ALDH1A2: variants seen among roughly 807,000 people sequenced by gnomAD.
ALDH1A2 encodes the protein aldehyde dehydrogenase 1 family member A2.
ALDH1A2 carries 27 observed loss-of-function variants against 60.3 expected under a neutral mutation model. That is an observed-to-expected ratio of 0.45 (90% CI 0.33 to 0.62). The LOEUF (loss-of-function observed/expected upper bound fraction) is 0.62. Among genes scored for constraint, ALDH1A2 ranks in the 20% least tolerant of loss-of-function variants. The probability of loss-of-function intolerance (pLI) is 0.02; values close to 1 mark genes in which losing one functional copy is unlikely to be tolerated. For missense variants in ALDH1A2, 581 were observed against 643.8 expected (o/e 0.90, Z 1.06); for synonymous variants, 289 against 232.4 (o/e 1.24, Z -2.21).
At chr15:57,956,752 T>C (rs1893539879) in intron 12 of ALDH1A2, among the ~76,000 whole-genome samples, 2 of 152,206 alleles carry the variant, frequency 1.3e-5, no homozygotes, top group Admixed American at 1.3e-4. Context: ...TGTCTCTTCA[T>C]CACGGACACC....
chr15:58,040,585 C>A (rs1408747941), intron 1 of ALDH1A2, among the ~76,000 whole-genome samples: 1 of 151,894 alleles, frequency 6.6e-6, no homozygotes, highest in African/African-American at 2.4e-5. Flanking sequence ...GTTCACACCA[C>A]AAATAATTGA....
intron 5 of ALDH1A2, among the ~76,000 whole-genome samples, chr15:57,994,446 G>C (rs906441471): frequency 6.6e-6 from 1 of 152,144 alleles, no homozygotes; most frequent in Non-Finnish European, 1.5e-5. Flanking sequence ...CTATTAGCTA[G>C]TACTGTTAAA....
chr15:57,986,569 GCCAA>G (rs1894706946), intron 7 of ALDH1A2, among the ~76,000 whole-genome samples: 1 of 7,232 alleles, frequency 1.4e-4, no homozygotes, highest in Non-Finnish European at 2.7e-4. Flanking sequence ...TAACAGAAAA[GCCAA>G]AAAAAAAAAA....
At chr15:58,061,710 C>T (rs1200342261) in intron 1 of ALDH1A2, among the ~76,000 whole-genome samples, 1 of 150,078 alleles carries the variant, frequency 6.7e-6, no homozygotes, top group Admixed American at 6.7e-5. Context: ...TCTTTAAAGT[C>T]AAGGCCAATG....
intron 7 of ALDH1A2, among the ~76,000 whole-genome samples, chr15:57,969,358 A>G (rs1893990074): frequency 6.6e-6 from 1 of 152,228 alleles, no homozygotes; most frequent in African/African-American, 2.4e-5. Context: ...AGATCTGAAC[A>G]GATTAAATTA....
chr15:58,000,801 T>A (rs1384850954), intron 4 of ALDH1A2, among the ~76,000 whole-genome samples: 1 of 151,872 alleles, frequency 6.6e-6, no homozygotes, highest in Non-Finnish European at 1.5e-5. Flanking sequence ...AGTCTGCATT[T>A]CTACATGCTC....
chr15:58,021,343 AAAG>A (rs1895920445), intron 1 of ALDH1A2, among the ~76,000 whole-genome samples: 4 of 152,196 alleles, frequency 2.6e-5, no homozygotes, highest in Admixed American at 2.0e-4. Context: ...GGAATTCAAC[AAAG>A]AAGGGACAGG....
intron 4 of ALDH1A2, among the ~76,000 whole-genome samples, chr15:57,997,405 A>G (rs1327309872): frequency 6.6e-6 from 1 of 152,016 alleles, no homozygotes; most frequent in Non-Finnish European, 1.5e-5. Flanking sequence ...GGTTAAGGTG[A>G]TGGGTTCAGG....
intron 1 of ALDH1A2, among the ~76,000 whole-genome samples, chr15:58,021,551 G>T (rs1177902287): frequency 1.3e-5 from 2 of 152,186 alleles, no homozygotes; most frequent in Non-Finnish European, 2.9e-5. Context: ...AACTAACACA[G>T]GGAGCTGCCA....
chr15:57,986,275 G>C (rs1438954537), intron 7 of ALDH1A2, among the ~76,000 whole-genome samples: 1 of 152,098 alleles, frequency 6.6e-6, no homozygotes, highest in Non-Finnish European at 1.5e-5. Flanking sequence ...GGTATGAGGA[G>C]ACCAAAGCAG....
intron 4 of ALDH1A2, among the ~76,000 whole-genome samples, chr15:58,004,607 T>C (rs1191048526): frequency 6.6e-6 from 1 of 151,552 alleles, no homozygotes; most frequent in Admixed American, 6.6e-5. Context: ...ATTTCACTTA[T>C]TTCAGTATAA....
At chr15:57,989,920 AG>A (rs1894837765) in intron 7 of ALDH1A2, among the ~76,000 whole-genome samples, 1 of 52,262 alleles carries the variant, frequency 1.9e-5, no homozygotes, top group Non-Finnish European at 5.6e-5. Flanking sequence ...CAAAAATGAC[AG>A]GACGGAGCTT....
intron 1 of ALDH1A2, among the ~76,000 whole-genome samples, chr15:58,032,694 A>C (rs1896272284): frequency 6.6e-6 from 1 of 152,008 alleles, no homozygotes; most frequent in Non-Finnish European, 1.5e-5. Context: ...TCCAAAGCAA[A>C]AGAAATCAAT....
At chr15:58,011,873 C>T (rs1048602635) in intron 3 of ALDH1A2, among the ~76,000 whole-genome samples, 5 of 152,104 alleles carry the variant, frequency 3.3e-5, no homozygotes, top group African/African-American at 1.2e-4. Context: ...AGCATAGCAC[C>T]AAAATCTGCA....
At chr15:57,971,638 G>C (rs1403466124) in intron 7 of ALDH1A2, among the ~76,000 whole-genome samples, 1 of 152,098 alleles carries the variant, frequency 6.6e-6, no homozygotes, top group Non-Finnish European at 1.5e-5. Context: ...TTGACCAGGT[G>C]GTCTCAAACT....
At chr15:58,057,958 T>TA in intron 1 of ALDH1A2, 1 of 909,094 alleles carries the variant, frequency 1.1e-6, no homozygotes, top group Non-Finnish European at 1.5e-6. Flanking sequence ...ATAATAAAAT[T>TA]AAATAATACA....
intron 7 of ALDH1A2, among the ~76,000 whole-genome samples, chr15:57,974,011 C>T (rs1260287895): frequency 6.6e-6 from 1 of 152,124 alleles, no homozygotes; most frequent in African/African-American, 2.4e-5. Flanking sequence ...TGGAAGATTG[C>T]ATAGGTAGTT....
intron 7 of ALDH1A2, among the ~76,000 whole-genome samples, chr15:57,972,188 C>T (rs1053581692): frequency 6.6e-6 from 1 of 151,926 alleles, no homozygotes; most frequent in East Asian, 1.9e-4. Flanking sequence ...AAATGACTTG[C>T]AAACAGGCAC....
At chr15:57,995,217 CAAAAAA>C (rs34068380) in intron 4 of ALDH1A2, 78 bp from the exon 5 acceptor site, 144 of 287,508 alleles carry the variant, frequency 5.0e-4, no homozygotes, top group Admixed American at 7.5e-4. Flanking sequence ...TTGGTGGCTG[CAAAAAA>C]AAAAAAAAAA....
Sources: allele counts gnomAD v4.1 joint callset (sites outside exome capture counted in the v4.1 genomes callset), GRCh38; gene constraint gnomAD v4.1.1; transcripts MANE v1.5; gene names NCBI Gene and HGNC (gene_info 2026-07-23, HGNC 2026-07-21).